Variants in DCDC1 observed in about 807,000 individuals in gnomAD.
DCDC1 encodes doublecortin domain-containing protein 1.
Under a neutral mutation model 178.3 loss-of-function variants are expected in DCDC1, and 200 were observed. The ratio of observed to expected loss-of-function variants is 1.12; its 90% CI spans 1.00 to 1.26. DCDC1 has a LOEUF of 1.26. Among genes scored for constraint, DCDC1 ranks in the 50% most tolerant of loss-of-function variants. The probability of loss-of-function intolerance (pLI) is 0.00; values close to 1 mark genes in which losing one functional copy is unlikely to be tolerated. For synonymous variants in DCDC1, 690 were observed against 604.8 expected, an observed-to-expected ratio of 1.14 and a Z score of -2.07; for missense variants, 1,983 against 1,749.2, an observed-to-expected ratio of 1.13 and a Z score of -2.38.
At chr11:30,899,416 ATTTATATATTGT>A (rs3837405) in intron 34 of DCDC1, 113 bp downstream of exon 34, 357,557 of 523,416 alleles carry the variant, frequency 0.68, 122,403 homozygotes, top group Middle Eastern at 0.79. Flanking sequence ...GTAAAACAAT[ATTTATATATTGT>A]TTTATATAGT....
chr11:31,078,845 G>A (rs1957010787), intron 17 of DCDC1, among the ~76,000 whole-genome samples: 1 of 145,642 alleles, frequency 6.9e-6, no homozygotes, highest in Admixed American at 7.1e-5. Flanking sequence ...TACATTAACA[G>A]GTGTTTCAAG....
chr11:30,973,503 A>C (rs1949928519), intron 20 of DCDC1, among the ~76,000 whole-genome samples: 1 of 152,146 alleles, frequency 6.6e-6, no homozygotes, highest in Admixed American at 6.5e-5. Context: ...AGTGGCTTAC[A>C]AGAAACTCAC....
At chr11:31,359,564 C>G (rs900142991) in intron 1 of DCDC1, among the ~76,000 whole-genome samples, 10 of 151,866 alleles carry the variant, frequency 6.6e-5, no homozygotes, top group Admixed American at 2.0e-4. Context: ...TGCACATGTA[C>G]CCTAAAACTT....
At chr11:30,915,850 A>G (rs1468477995) in intron 26 of DCDC1, 139 bp from the exon 27 acceptor site, 5 of 792,632 alleles carry the variant, frequency 6.3e-6, no homozygotes, top group African/African-American at 1.7e-5. Flanking sequence ...AGACCATATC[A>G]TTAGAATGAC....
chr11:31,188,071 C>T (rs1969716593), intron 9 of DCDC1, among the ~76,000 whole-genome samples: 1 of 152,090 alleles, frequency 6.6e-6, no homozygotes, highest in African/African-American at 2.4e-5. Flanking sequence ...CTCAAGGGAT[C>T]CTCCTGCCTC....
At chr11:30,865,816 C>T (rs569750133) in intron 38 of DCDC1, among the ~76,000 whole-genome samples, 77 of 151,832 alleles carry the variant, frequency 5.1e-4, no homozygotes, top group African/African-American at 1.8e-3. Flanking sequence ...ACAAGAAAGA[C>T]ATAAAAGAGA....
At chr11:30,912,881 T>G (rs1159472532) in intron 27 of DCDC1, among the ~76,000 whole-genome samples, 1 of 152,180 alleles carries the variant, frequency 6.6e-6, no homozygotes, top group African/African-American at 2.4e-5. Context: ...AAAAAGACTG[T>G]GGTTAACATA....
intron 20 of DCDC1, among the ~76,000 whole-genome samples, chr11:31,020,914 A>G (rs1430970190): frequency 1.3e-5 from 2 of 152,238 alleles, no homozygotes; most frequent in Non-Finnish European, 2.9e-5. Flanking sequence ...TTAAAAATCA[A>G]TAAGAAAATA....
intron 9 of DCDC1, among the ~76,000 whole-genome samples, chr11:31,177,941 AC>A (rs761361010): frequency 1.3e-5 from 2 of 152,194 alleles, no homozygotes; most frequent in Non-Finnish European, 2.9e-5. Context: ...ACTTCAATAC[AC>A]TGCTATGTAA....
intron 20 of DCDC1, among the ~76,000 whole-genome samples, chr11:30,977,549 A>G (rs1307350839): frequency 1.3e-5 from 2 of 152,214 alleles, no homozygotes; most frequent in Non-Finnish European, 2.9e-5. Flanking sequence ...TTTTAAAATT[A>G]TATAAAATAT....
At chr11:31,281,579 T>C (rs1946435985) in intron 7 of DCDC1, among the ~76,000 whole-genome samples, 1 of 152,160 alleles carries the variant, frequency 6.6e-6, no homozygotes, top group South Asian at 2.1e-4. Context: ...AACCAACTGA[T>C]ATGGTTTGGC....
At chr11:31,360,966 C>G (rs1238249381) in intron 1 of DCDC1, among the ~76,000 whole-genome samples, 1 of 152,110 alleles carries the variant, frequency 6.6e-6, no homozygotes, top group Non-Finnish European at 1.5e-5. Flanking sequence ...TAGCCAGTAC[C>G]AAGATTATTA....
At chr11:31,061,606 C>A (rs1479815967) in intron 20 of DCDC1, among the ~76,000 whole-genome samples, 1 of 151,954 alleles carries the variant, frequency 6.6e-6, no homozygotes, top group Non-Finnish European at 1.5e-5. Flanking sequence ...ACGTATGGAG[C>A]CTATCACATA....
At chr11:31,028,267 C>G (rs968062436) in intron 20 of DCDC1, among the ~76,000 whole-genome samples, 5 of 151,770 alleles carry the variant, frequency 3.3e-5, no homozygotes, top group African/African-American at 1.2e-4. Context: ...TTGAATAATA[C>G]AGACCCTCTT....
At chr11:30,875,211 C>T (rs1240408435) in intron 38 of DCDC1, among the ~76,000 whole-genome samples, 1 of 152,114 alleles carries the variant, frequency 6.6e-6, no homozygotes, top group Non-Finnish European at 1.5e-5. Flanking sequence ...GTTGATCTTG[C>T]TTTGTAGTTG....
chr11:31,076,745 C>T (rs1956887295), intron 18 of DCDC1, among the ~76,000 whole-genome samples: 2 of 151,990 alleles, frequency 1.3e-5, no homozygotes, highest in African/African-American at 2.4e-5. Context: ...TATTGGTGTC[C>T]GTGTCTAGGA....
rs562642781 is a variant in DCDC1 at position 31,194,309 on chromosome 11, C to T, written c.1221+47141G>A. ...ACCTCAAATTTGCCTGTAAGTTCTC[C>T]ATACCAAAATTTCTGATGATATGAA... On this transcript the variant is annotated intron_variant, in intron 9 of 38. Coordinates refer to ENST00000684477, the MANE Select transcript of DCDC1 (RefSeq NM_001387274.1). Among the ~76,000 whole-genome samples, 3 of 152,128 alleles carry T rather than the reference C, an allele frequency of 2.0e-5. No individual in the cohort carries two copies. The South Asian group carries it at 6.2e-4, about 32-fold the overall frequency.
intron 29 of DCDC1, 49 bp downstream of exon 29, chr11:30,908,897 C>G (rs1249236970): frequency 1.4e-6 from 2 of 1,459,038 alleles, no homozygotes; most frequent in Non-Finnish European, 1.8e-6. Context: ...TTAAATTACT[C>G]TCTTTTACCC....
chr11:31,367,002 T>C (rs1951995968), intron 1 of DCDC1, among the ~76,000 whole-genome samples: 1 of 152,128 alleles, frequency 6.6e-6, no homozygotes, highest in Non-Finnish European at 1.5e-5. Context: ...GAGATAAAGA[T>C]CAACAAAATG....
Sources: gnomAD v4.1 joint callset for allele counts (sites outside exome capture counted in the v4.1 genomes callset) on GRCh38, gnomAD v4.1.1 for gene constraint, MANE v1.5 for transcripts, NCBI Gene and HGNC (gene_info 2026-07-23, HGNC 2026-07-21) for gene names.